The following AOPEP variants were observed in gnomAD, a reference collection of about 807,000 sequenced individuals.
The protein encoded by AOPEP is aminopeptidase O.
Under a neutral mutation model 98.1 loss-of-function variants are expected in AOPEP, and 77 were observed. That is an observed-to-expected ratio of 0.78 (90% CI 0.65 to 0.95). The LOEUF is 0.95. AOPEP is among the 40% of genes least tolerant of loss of function. The pLI is 0.00. For missense variants in AOPEP, 1,024 were observed against 1,024.7 expected (o/e 1.00, Z 0.01); for synonymous variants, 346 against 365.3 (o/e 0.95, Z 0.60).
At chr9:95,107,997 ACAAAG>A in the AOPEP span, among the ~76,000 whole-genome samples, 1 of 152,214 alleles carries the variant, frequency 6.6e-6, no homozygotes, top group African/African-American at 2.4e-5. Flanking sequence ...GACTTGGAAA[ACAAAG>A]CAAAGCAAAA....
At chr9:95,085,301 T>TG in intron 16 of AOPEP, 1 of 482,978 alleles carries the variant, frequency 2.1e-6, no homozygotes, top group South Asian at 1.5e-5. Context: ...ACCACGACCT[T>TG]GGCTGCTCCT....
At chr9:95,043,050 A>T (rs1054700841) in intron 13 of AOPEP, among the ~76,000 whole-genome samples, 6 of 151,850 alleles carry the variant, frequency 4.0e-5, no homozygotes, top group East Asian at 1.9e-4. Context: ...AGGCAAGAGG[A>T]TCTCTTTAGC....
At chr9:95,020,918 CAAAAAAA>C (rs55696602) in intron 13 of AOPEP, among the ~76,000 whole-genome samples, 1 of 73,372 alleles carries the variant, frequency 1.4e-5, no homozygotes, top group Middle Eastern at 9.4e-3. Context: ...GACCTTGTCT[CAAAAAAA>C]AAAAAAAAAA....
At chr9:94,858,958 G>A (rs1292595493) in intron 5 of AOPEP, among the ~76,000 whole-genome samples, 1 of 151,292 alleles carries the variant, frequency 6.6e-6, no homozygotes, top group East Asian at 2.0e-4. Context: ...AACCCGGGAG[G>A]CGGAGCTTGC....
At position 94,878,733 on chromosome 9, in the gene AOPEP, CA is replaced by C. The variant is rs1299490506; in HGVS notation, c.1365-45251del. Among the ~76,000 whole-genome samples the C allele has an allele frequency of 1.3e-5, 2 of 152,170 alleles. 1 individual carries two copies. The highest frequency in any genetic ancestry group is 2.9e-5 in the Non-Finnish European group (2 of 68,030). On this transcript the variant is annotated intron_variant, in intron 5 of 16. Transcript: ENST00000375315. The stretch of plus-strand genomic sequence containing the variant: ...CCAACAGTAGTACCTTTGGCCAAGA[CA>C]ACCCAATTGGCTCAGCTAACTTTGC...
chr9:95,006,371 GGTGT>G (rs1315268334), intron 13 of AOPEP, among the ~76,000 whole-genome samples: 1 of 152,118 alleles, frequency 6.6e-6, no homozygotes, highest in African/African-American at 2.4e-5. Context: ...TTAAAATAGC[GGTGT>G]GTTTTTCTGC....
At chr9:94,948,878 C>G (rs1386879239) in intron 7 of AOPEP, among the ~76,000 whole-genome samples, 1 of 152,184 alleles carries the variant, frequency 6.6e-6, no homozygotes, top group Non-Finnish European at 1.5e-5. Context: ...TTTTTGTTGT[C>G]CTGGGCCTTC....
At chr9:94,916,652 G>T (rs370051951) in intron 5 of AOPEP, among the ~76,000 whole-genome samples, 1 of 149,348 alleles carries the variant, frequency 6.7e-6, no homozygotes, top group African/African-American at 2.5e-5. Context: ...TGCAGTAAGC[G>T]CCAGTGCACT....
At chr9:95,133,793 C>T in the AOPEP span, among the ~76,000 whole-genome samples, 2 of 152,144 alleles carry the variant, frequency 1.3e-5, no homozygotes, top group Non-Finnish European at 2.9e-5. Context: ...CTAGTATGCA[C>T]ATGTAAGTTA....
intron 16 of AOPEP, 159 bp from the exon 17 acceptor site, chr9:95,086,523 G>T: frequency 1.0e-6 from 1 of 985,406 alleles, no homozygotes; most frequent in Non-Finnish European, 1.2e-6. Flanking sequence ...ACGGCTCGCT[G>T]TGACCCGTCC....
rs960000769 is a variant in AOPEP at position 94,733,253 on chromosome 9, C to T, written c.-136+6502C>T. Reference sequence around the variant, plus strand: ...TCCTGGGTGTCTGGGACTACAGGTGCGCACCACCATGCTCAGCTAATTTTT... The same window carrying T: ...TCCTGGGTGTCTGGGACTACAGGTGTGCACCACCATGCTCAGCTAATTTTT... On this transcript the variant is annotated intron_variant, in intron 1 of 16. Transcript: ENST00000375315. 2.6e-5 allele frequency among the ~76,000 whole-genome samples: 4 copies of T among 151,766 alleles called. No homozygotes were observed. In the South Asian group the frequency reaches 6.2e-4, roughly 24 times the overall value.
intron 11 of AOPEP, among the ~76,000 whole-genome samples, chr9:95,000,907 G>T (rs924696938): frequency 6.6e-6 from 1 of 152,066 alleles, no homozygotes; most frequent in African/African-American, 2.4e-5. Flanking sequence ...TGGAACTCTC[G>T]ACCTTGTTTG....
At chr9:95,126,519 T>G in the AOPEP span, 1 of 1,613,362 alleles carries the variant, frequency 6.2e-7, no homozygotes, top group Non-Finnish European at 8.5e-7. Context: ...AGAAACAGTG[T>G]AACGTTTACC....
At chr9:95,136,573 A>G in the AOPEP span, among the ~76,000 whole-genome samples, 3 of 151,996 alleles carry the variant, frequency 2.0e-5, no homozygotes, top group Non-Finnish European at 2.9e-5. Flanking sequence ...TGTAACCTCA[A>G]ACTCCTAGGC....
At chr9:94,999,063 T>C (rs985839603) in intron 11 of AOPEP, among the ~76,000 whole-genome samples, 21 of 152,028 alleles carry the variant, frequency 1.4e-4, no homozygotes, top group African/African-American at 4.8e-4. Context: ...TAAACGTTGT[T>C]AATGGAGATA....
intron 13 of AOPEP, among the ~76,000 whole-genome samples, chr9:95,037,206 C>T (rs1446108628): frequency 6.6e-6 from 1 of 151,692 alleles, no homozygotes; most frequent in Non-Finnish European, 1.5e-5. Context: ...TTTTTTTTAC[C>T]TCACCTTTTA....
intron 11 of AOPEP, among the ~76,000 whole-genome samples, chr9:94,986,949 A>C (rs2060560320): frequency 6.6e-6 from 1 of 151,132 alleles, no homozygotes; most frequent in African/African-American, 2.5e-5. Context: ...TTCCTTTGTA[A>C]GTGTCAGAGC....
chr9:94,903,623 TAAA>T (rs11375914), intron 5 of AOPEP, among the ~76,000 whole-genome samples: 1 of 136,676 alleles, frequency 7.3e-6, no homozygotes, highest in Non-Finnish European at 1.6e-5. Flanking sequence ...ACTCCATCTC[TAAA>T]AAAAAAAAAA....
At chr9:95,126,437 A>G in the AOPEP span, 1 of 1,238,162 alleles carries the variant, frequency 8.1e-7, no homozygotes, top group East Asian at 2.4e-5. Context: ...TCCCCATGAT[A>G]CAGCCAGAGA....
Sources: gnomAD v4.1 joint callset for allele counts (sites outside exome capture counted in the v4.1 genomes callset) on GRCh38, gnomAD v4.1.1 for gene constraint, MANE v1.5 for transcripts, NCBI Gene and HGNC (gene_info 2026-07-23, HGNC 2026-07-21) for gene names.